ZNF735: variants seen among roughly 807,000 people sequenced by gnomAD.
ZNF735 encodes zinc finger protein 735.
ZNF735 carries 11 observed loss-of-function variants against 13.4 expected under a neutral mutation model. The ratio of observed to expected loss-of-function variants is 0.82; its 90% CI spans 0.52 to 1.36. The LOEUF (loss-of-function observed/expected upper bound fraction) is 1.36. ZNF735 is among the 40% of genes most tolerant of loss of function. The probability of loss-of-function intolerance (pLI) is 0.00; values close to 1 mark genes in which losing one functional copy is unlikely to be tolerated. For missense variants in ZNF735, 500 were observed against 484.6 expected (o/e 1.03, Z -0.30); for synonymous variants, 171 against 162.6 (o/e 1.05, Z -0.39).
intron 1 of ZNF735, 86 bp from the exon 2 acceptor site, chr7:64,213,006 C>T: frequency 7.1e-7 from 1 of 1,398,848 alleles, no homozygotes; most frequent in Non-Finnish European, 9.7e-7. Context: ...TTTTTACTCT[C>T]TTTTTTAACT....
At chr7:64,207,348 G>C in intron 1 of ZNF735, 107 bp downstream of exon 1, 2 of 1,605,594 alleles carry the variant, frequency 1.2e-6, no homozygotes, top group African/African-American at 1.3e-5. Flanking sequence ...TCCGGAGTCT[G>C]AGGACCCAAA....
chr7:64,209,228 G>T (rs115055198), intron 1 of ZNF735, among the ~76,000 whole-genome samples: 35 of 139,928 alleles, frequency 2.5e-4, no homozygotes, highest in African/African-American at 5.9e-4. Context: ...CATCTGTTCC[G>T]TTTTTTTTTT....
exon 4 of ZNF735, chr7:64,220,098 A>T (rs550097706): frequency 1.2e-6 from 2 of 1,613,678 alleles, no homozygotes; most frequent in Non-Finnish European, 1.7e-6. Flanking sequence ...TTCATACTGG[A>T]GAGAAACCCT....
At chr7:64,210,805 G>T (rs1340659977) in intron 1 of ZNF735, among the ~76,000 whole-genome samples, 2 of 152,142 alleles carry the variant, frequency 1.3e-5, no homozygotes, top group African/African-American at 2.4e-5. Flanking sequence ...AATGTTTTCT[G>T]CAAGTCTCGG....
chr7:64,219,554 A>T (rs1218945065), exon 4 of ZNF735: 1 of 1,587,998 alleles, frequency 6.3e-7, no homozygotes, highest in Non-Finnish European at 8.6e-7. Flanking sequence ...GTCTTCAGTA[A>T]ATTTTCAAAT....
chr7:64,209,732 TTC>T (rs1422678094), intron 1 of ZNF735, among the ~76,000 whole-genome samples: 3 of 152,192 alleles, frequency 2.0e-5, no homozygotes. Context: ...TCTTTTGAAA[TTC>T]TTTTAATTGT....
At chr7:64,208,443 G>C (rs1351321386) in intron 1 of ZNF735, among the ~76,000 whole-genome samples, 1 of 151,748 alleles carries the variant, frequency 6.6e-6, no homozygotes, top group Non-Finnish European at 1.5e-5. Flanking sequence ...TTTTAGTAGA[G>C]ACGGGATTTC....
chr7:64,214,139 G>T (rs774823694), intron 3 of ZNF735, 31 bp downstream of exon 3: 5 of 1,592,808 alleles, frequency 3.1e-6, no homozygotes, highest in Non-Finnish European at 4.3e-6. Flanking sequence ...CAGATGACAC[G>T]GATGAGATGT....
At chr7:64,218,486 C>T (rs1429937999) in intron 3 of ZNF735, among the ~76,000 whole-genome samples, 9 of 151,838 alleles carry the variant, frequency 5.9e-5, no homozygotes, top group African/African-American at 1.9e-4. Context: ...GTTTTCTTTT[C>T]TATGTCCACA....
intron 3 of ZNF735, among the ~76,000 whole-genome samples, chr7:64,216,217 A>G (rs994469777): frequency 7.3e-5 from 11 of 151,554 alleles, no homozygotes; most frequent in Non-Finnish European, 1.6e-4. Flanking sequence ...AATGGCATGA[A>G]CCCAGGAGGT....
At chr7:64,213,046 C>G in intron 1 of ZNF735, 46 bp from the exon 2 acceptor site, 1 of 1,567,386 alleles carries the variant, frequency 6.4e-7, no homozygotes, top group Non-Finnish European at 8.6e-7. Flanking sequence ...TGCTTACGGC[C>G]ATATGGTAAG....
At position 64,219,774 on chromosome 7, in the gene ZNF735, C is replaced by T. The variant is rs746942158; in HGVS notation, c.723C>T (p.Tyr241=). 3 of 1,611,374 alleles carry T rather than the reference C, an allele frequency of 1.9e-6. No individual in the cohort carries two copies. In the South Asian group the frequency reaches 3.3e-5, roughly 18 times the overall value. ...GAATTCTTACTGGAGAGAAACCCTACAGATGTGAGGAATGTGGCAAAGCCT... is the reference window on the plus strand; with the variant it reads ...GAATTCTTACTGGAGAGAAACCCTATAGATGTGAGGAATGTGGCAAAGCCT... Residue 241 remains tyrosine, a synonymous_variant, in exon 4 of 4, where the codon TAC becomes TAT. Coordinates refer to ENST00000429565, the Ensembl canonical transcript of ZNF735.
chr7:64,208,316 GGT>G (rs1407307973), intron 1 of ZNF735, among the ~76,000 whole-genome samples: 3 of 133,222 alleles, frequency 2.3e-5, no homozygotes, highest in Non-Finnish European at 4.6e-5. Context: ...GGAGTGCAGT[GGT>G]GCAATCTCAC....
chr7:64,215,744 C>T (rs891846696), intron 3 of ZNF735, among the ~76,000 whole-genome samples: 2 of 151,494 alleles, frequency 1.3e-5, no homozygotes, highest in African/African-American at 4.9e-5. Context: ...ATGTAGATAT[C>T]CAGTTTTCAA....
intron 1 of ZNF735, among the ~76,000 whole-genome samples, chr7:64,209,474 G>A (rs2116476948): frequency 6.6e-6 from 1 of 151,690 alleles, no homozygotes; most frequent in South Asian, 2.1e-4. Context: ...TTACAGGCAT[G>A]TACCACCATG....
intron 1 of ZNF735, among the ~76,000 whole-genome samples, chr7:64,208,492 G>C (rs1049086130): frequency 6.6e-6 from 1 of 151,818 alleles, no homozygotes; most frequent in African/African-American, 2.4e-5. Context: ...TTTGACCTCA[G>C]GTGATCTGCC....
At chr7:64,213,156 A>G (rs1392604515) in exon 2 of ZNF735, 8 of 1,613,142 alleles carry the variant, frequency 5.0e-6, no homozygotes, top group South Asian at 1.1e-5. Context: ...TGCCTGGATC[A>G]TGCTCAGCAG....
intron 2 of ZNF735, among the ~76,000 whole-genome samples, chr7:64,213,715 C>T (rs771963810): frequency 1.3e-5 from 2 of 152,086 alleles, no homozygotes; most frequent in East Asian, 1.9e-4. Flanking sequence ...AATCCCAGCA[C>T]GTTGGGAGGC....
chr7:64,214,981 T>C (rs917598560), intron 3 of ZNF735, among the ~76,000 whole-genome samples: 14 of 152,122 alleles, frequency 9.2e-5, no homozygotes, highest in African/African-American at 3.1e-4. Context: ...AAATTATTAA[T>C]TTTGTGCAAC....
Sources: gnomAD v4.1 joint callset for allele counts (sites outside exome capture counted in the v4.1 genomes callset) on GRCh38, gnomAD v4.1.1 for gene constraint, MANE v1.5 for transcripts, NCBI Gene and HGNC (gene_info 2026-07-23, HGNC 2026-07-21) for gene names.